OSMR: variants seen among roughly 807,000 people sequenced by gnomAD.
OSMR encodes the protein oncostatin M receptor.
OSMR carries 81 observed loss-of-function variants against 99.9 expected under a neutral mutation model. The observed-to-expected ratio is 0.81, with a 90% confidence interval of 0.68 to 0.97. The LOEUF is 0.97. OSMR is among the 50% of genes least tolerant of loss of function. The probability of loss-of-function intolerance (pLI) is 0.00; values close to 1 mark genes in which losing one functional copy is unlikely to be tolerated. For synonymous variants in OSMR, 406 were observed against 410.4 expected, an observed-to-expected ratio of 0.99 and a Z score of 0.13; for missense variants, 1,099 against 1,153.4, an observed-to-expected ratio of 0.95 and a Z score of 0.68.
exon 2 of OSMR, chr5:38,944,306 C>T: frequency 1.2e-6 from 1 of 830,408 alleles, no homozygotes; most frequent in South Asian, 1.4e-5. Flanking sequence ...TAAAGAAAAT[C>T]TAGCCTCACA....
chr5:38,852,369 T>A lies in OSMR; in HGVS notation c.-14+5982T>A, dbSNP rs74445311. On this transcript the variant is annotated intron_variant, in intron 1 of 17. Coordinates refer to ENST00000274276, the MANE Select transcript of OSMR (RefSeq NM_003999.3). ...AAGAGAAATACACATAGAATTTTAG[T>A]AGATGTGGTCAAATGGACCTCTGTA... Among the ~76,000 whole-genome samples, 1,288 of 152,318 alleles carry A rather than the reference T, an allele frequency of 8.5e-3. 26 individuals carry two copies. The highest frequency in any genetic ancestry group is 0.029 in the African/African-American group (1,217 of 41,560).
chr5:38,894,593 C>CAA (rs58535203), intron 7 of OSMR, among the ~76,000 whole-genome samples: 54 of 151,256 alleles, frequency 3.6e-4, no homozygotes, highest in African/African-American at 8.2e-4. Context: ...TTAAAAAAGA[C>CAA]AAAAAAAAGG....
At chr5:38,928,371 A>C (rs1158426780) in intron 15 of OSMR, among the ~76,000 whole-genome samples, 1 of 152,160 alleles carries the variant, frequency 6.6e-6, no homozygotes, top group Non-Finnish European at 1.5e-5. Context: ...ACTGCCCGAT[A>C]CTGGGTAATT....
chr5:38,938,580 A>T, downstream of OSMR: 1 of 232,922 alleles, frequency 4.3e-6, no homozygotes, highest in Admixed American at 5.6e-5. Context: ...CTTACATTAC[A>T]AAAATACTCC....
At chr5:38,863,066 A>C (rs1741609064) in intron 1 of OSMR, among the ~76,000 whole-genome samples, 1 of 151,780 alleles carries the variant, frequency 6.6e-6, no homozygotes, top group South Asian at 2.1e-4. Flanking sequence ...CGGCAGGCTG[A>C]GGCAGGAGAA....
rs776431778 is a variant in OSMR at position 38,886,039 on chromosome 5, A to AT, written c.844dup (p.Ser282PhefsTer14). ...GTGTTATTTTGTTTTGTTTTTAAAG[A>AT]TTTTCTGGGGAAAAGAAACTTTGTA... On this transcript the variant is annotated frameshift_variant and splice_region_variant, in exon 7 of 18. Coordinates refer to ENST00000274276, the MANE Select transcript of OSMR (RefSeq NM_003999.3). LOFTEE classifies it high-confidence loss of function. 13 of 1,613,104 alleles carry AT rather than the reference A, an allele frequency of 8.1e-6. No homozygotes were observed. Among genetic ancestry groups the AT allele is most frequent in the Admixed American group, 3.3e-5 (2 of 59,922 alleles).
chr5:38,848,908 G>T (rs1214833499), intron 1 of OSMR, among the ~76,000 whole-genome samples: 2 of 151,784 alleles, frequency 1.3e-5, no homozygotes, highest in Non-Finnish European at 2.9e-5. Flanking sequence ...TGAGAAGCTG[G>T]AACTACAGGC....
rs199638937 is a variant in OSMR, at chr5:38,933,012, C to A, written c.2508C>A (p.Asn836Lys). ...SLTETELTKP[N>K]YLYLLPTEKN... is the part of the protein sequence containing the mutation. ...CAGAAACCGAGTTGACTAAGCCTAACTACCTTTATCTCCTTCCAACAGAAA... is the reference window on the plus strand; with the variant it reads ...CAGAAACCGAGTTGACTAAGCCTAAATACCTTTATCTCCTTCCAACAGAAA... The change falls in exon 18 of 18, where the codon AAC becomes AAA. Residue 836 changes from asparagine to lysine, a missense_variant. Transcript: ENST00000274276. 20 of 1,614,080 alleles carry A rather than the reference C, an allele frequency of 1.2e-5. No homozygotes were observed. In the East Asian group the frequency reaches 4.2e-4, roughly 34 times the overall value.
At chr5:38,894,725 A>G (rs1239937974) in intron 7 of OSMR, among the ~76,000 whole-genome samples, 1 of 152,128 alleles carries the variant, frequency 6.6e-6, no homozygotes, top group Non-Finnish European at 1.5e-5. Flanking sequence ...TTACCTACAA[A>G]GAGACTTAGA....
intron 15 of OSMR, among the ~76,000 whole-genome samples, chr5:38,931,242 A>C (rs1746732824): frequency 6.6e-6 from 1 of 152,206 alleles, no homozygotes; most frequent in Non-Finnish European, 1.5e-5. Flanking sequence ...AAACACCCTC[A>C]AAAGCTCCGT....
chr5:38,904,800 A>G (rs908651958), intron 9 of OSMR, among the ~76,000 whole-genome samples: 5 of 152,230 alleles, frequency 3.3e-5, no homozygotes, highest in African/African-American at 1.2e-4. Flanking sequence ...AGCTATATAA[A>G]TTAGTATACA....
intron 1 of OSMR, among the ~76,000 whole-genome samples, chr5:38,854,902 TC>T (rs58049790): frequency 0.28 from 41,937 of 152,158 alleles, 5,975 homozygotes; most frequent in South Asian, 0.44. Flanking sequence ...GCTTCACACT[TC>T]CCTGACTTCC....
At chr5:38,862,836 G>C (rs200735047) in intron 1 of OSMR, among the ~76,000 whole-genome samples, 4 of 151,008 alleles carry the variant, frequency 2.6e-5, no homozygotes, top group East Asian at 2.0e-4. Context: ...AGGTTGTAGC[G>C]AGCCGAGATC....
intron 4 of OSMR, chr5:38,883,611 C>T (rs1363710640): frequency 4.3e-6 from 3 of 692,992 alleles, no homozygotes; most frequent in Non-Finnish European, 5.3e-6. Flanking sequence ...GCAGTAAGAG[C>T]AACAGCAGTG....
intron 7 of OSMR, 180 bp from the exon 8 acceptor site, chr5:38,903,702 T>G: frequency 9.9e-6 from 8 of 810,918 alleles, no homozygotes; most frequent in Non-Finnish European, 1.2e-5. Flanking sequence ...GTAGAATCAT[T>G]GAGAGAGAAA....
intron 1 of OSMR, among the ~76,000 whole-genome samples, chr5:38,854,056 A>T (rs907236863): frequency 6.6e-6 from 1 of 152,028 alleles, no homozygotes; most frequent in Non-Finnish European, 1.5e-5. Context: ...AAAAAAAAAA[A>T]GATAACCGAG....
intron 9 of OSMR, among the ~76,000 whole-genome samples, chr5:38,906,565 TGAGCTTA>T (rs1248296805): frequency 6.6e-6 from 1 of 152,206 alleles, no homozygotes; most frequent in Non-Finnish European, 1.5e-5. Context: ...GATTTTGCAT[TGAGCTTA>T]GATATTGTCC....
At chr5:38,915,785 G>T (rs1279216008) in intron 9 of OSMR, among the ~76,000 whole-genome samples, 1 of 152,198 alleles carries the variant, frequency 6.6e-6, no homozygotes, top group Non-Finnish European at 1.5e-5. Flanking sequence ...TTCAAATTCA[G>T]AAAGCTGAAG....
chr5:38,885,625 C>G (rs537810133), intron 6 of OSMR, 141 bp downstream of exon 6: 1 of 1,164,428 alleles, frequency 8.6e-7, no homozygotes, highest in East Asian at 2.3e-5. Flanking sequence ...AAGAGGAAAC[C>G]TTTAAGTGGT....
Sources: gnomAD v4.1 joint callset for allele counts (sites outside exome capture counted in the v4.1 genomes callset) on GRCh38, gnomAD v4.1.1 for gene constraint, MANE v1.5 for transcripts, NCBI Gene and HGNC (gene_info 2026-07-23, HGNC 2026-07-21) for gene names.